DCT: variants seen among roughly 807,000 people sequenced by gnomAD.
DCT encodes L-dopachrome tautomerase.
DCT carries 47 observed loss-of-function variants against 53.0 expected under a neutral mutation model. The ratio of observed to expected loss-of-function variants is 0.89; its 90% CI spans 0.70 to 1.13. The LOEUF (loss-of-function observed/expected upper bound fraction) is 1.13, where lower values mean the gene tolerates loss of function less well. DCT is among the 50% of genes most tolerant of loss of function. DCT has a pLI of 0.00. For synonymous variants in DCT, 244 were observed against 237.0 expected (o/e 1.03, Z -0.27); for missense variants, 669 against 637.4 (o/e 1.05, Z -0.53).
chr13:94,509,626 C>T, the DCT span, among the ~76,000 whole-genome samples: 1 of 152,148 alleles, frequency 6.6e-6, no homozygotes, highest in African/African-American at 2.4e-5. Flanking sequence ...GGAGTGTTAT[C>T]TCAGCATAAC....
chr13:94,501,856 A>C, the DCT span, among the ~76,000 whole-genome samples: 50 of 152,334 alleles, frequency 3.3e-4, no homozygotes, highest in Non-Finnish European at 6.2e-4. Flanking sequence ...AGACCATGTC[A>C]GGAAAGTCCT....
At chr13:94,513,287 G>T in the DCT span, among the ~76,000 whole-genome samples, 2 of 152,192 alleles carry the variant, frequency 1.3e-5, no homozygotes, top group African/African-American at 4.8e-5. Context: ...CCAGTCTACA[G>T]TTGGTTAGCA....
chr13:94,531,018 C>G, the DCT span, among the ~76,000 whole-genome samples: 1 of 152,128 alleles, frequency 6.6e-6, no homozygotes, highest in African/African-American at 2.4e-5. Flanking sequence ...AGAGTCAAAT[C>G]ATAAGTGAAC....
At chr13:94,499,050 G>A in the DCT span, among the ~76,000 whole-genome samples, 1 of 152,192 alleles carries the variant, frequency 6.6e-6, no homozygotes, top group Non-Finnish European at 1.5e-5. Context: ...CCAGCCAGCA[G>A]TGGCACCCCA....
intron 1 of DCT, among the ~76,000 whole-genome samples, chr13:94,470,376 C>G (rs1245408114): frequency 6.6e-6 from 1 of 152,206 alleles, no homozygotes; most frequent in African/African-American, 2.4e-5. Context: ...AGATCAAGCT[C>G]TGGGCATCTC....
the DCT span, among the ~76,000 whole-genome samples, chr13:94,539,650 T>A: frequency 6.6e-6 from 1 of 152,228 alleles, no homozygotes; most frequent in Non-Finnish European, 1.5e-5. Flanking sequence ...ACTATTCAAA[T>A]AGAGATATAA....
the DCT span, among the ~76,000 whole-genome samples, chr13:94,500,238 TG>T: frequency 2.0e-5 from 3 of 152,288 alleles, no homozygotes; most frequent in Middle Eastern, 3.4e-3. Flanking sequence ...TAGCCGAGAC[TG>T]GGTAATTTAT....
the DCT span, among the ~76,000 whole-genome samples, chr13:94,533,524 C>T: frequency 6.6e-6 from 1 of 152,158 alleles, no homozygotes; most frequent in Non-Finnish European, 1.5e-5. Flanking sequence ...GTGGCTCACA[C>T]CTATAATCCC....
At chr13:94,479,854 T>C (rs1228344333), upstream of DCT, among the ~76,000 whole-genome samples, 2 of 152,186 alleles carry the variant, frequency 1.3e-5, no homozygotes, top group African/African-American at 4.8e-5. Context: ...CTTCTGGCTT[T>C]ATTTCAGGAG....
intron 6 of DCT, among the ~76,000 whole-genome samples, chr13:94,453,087 T>C (rs1021640202): frequency 6.6e-6 from 1 of 152,164 alleles, no homozygotes; most frequent in Non-Finnish European, 1.5e-5. Context: ...GATAATGGGA[T>C]ATTATACATA....
chr13:94,539,671 T>A, the DCT span, among the ~76,000 whole-genome samples: 1 of 152,224 alleles, frequency 6.6e-6, no homozygotes, highest in African/African-American at 2.4e-5. Context: ...TTTATGGATT[T>A]AAAATTAAAT....
intron 6 of DCT, among the ~76,000 whole-genome samples, chr13:94,449,593 T>C (rs1882952264): frequency 6.6e-6 from 1 of 152,164 alleles, no homozygotes; most frequent in African/African-American, 2.4e-5. Flanking sequence ...ACATGACAGA[T>C]AAAAGCACAC....
chr13:94,506,227 T>C, the DCT span, among the ~76,000 whole-genome samples: 2 of 152,232 alleles, frequency 1.3e-5, no homozygotes, highest in African/African-American at 4.8e-5. Flanking sequence ...TAAAACTCCA[T>C]CTGGTCATCT....
chr13:94,495,776 G>A, the DCT span, among the ~76,000 whole-genome samples: 15 of 152,176 alleles, frequency 9.9e-5, no homozygotes, highest in Non-Finnish European at 1.6e-4. Context: ...TGGTTCAACT[G>A]TATAAGCTTT....
chr13:94,479,287 C>T lies in DCT; in HGVS notation c.-32G>A. The stretch of plus-strand genomic sequence containing the variant: ...ATAATTGGGAGAGCTCTCTCTCTCT[C>T]TTACTTTCCTTGTCTCTGTCGTACT... On this transcript the variant is annotated 5_prime_UTR_variant, in exon 1 of 8. Coordinates refer to ENST00000377028, the MANE Select transcript of DCT (RefSeq NM_001922.5). The T allele has an allele frequency of 2.0e-6, 3 of 1,490,556 alleles. 1 individual carries two copies. Among genetic ancestry groups the T allele is most frequent in the Non-Finnish European group, 9.0e-7 (1 of 1,107,744 alleles). 92.3% of individuals were successfully genotyped at this position (1,490,556 alleles called of 1,614,324 possible).
chr13:94,545,734 T>G, the DCT span, among the ~76,000 whole-genome samples: 1 of 152,076 alleles, frequency 6.6e-6, no homozygotes, highest in Admixed American at 6.5e-5. Context: ...AGCCTTTGCT[T>G]TCTCACATGG....
chr13:94,447,249 T>C (rs969249700), intron 6 of DCT, among the ~76,000 whole-genome samples: 2 of 152,136 alleles, frequency 1.3e-5, no homozygotes, highest in Non-Finnish European at 2.9e-5. Context: ...GGAAGACAAT[T>C]TTCACGGACC....
At chr13:94,486,601 G>A in the DCT span, among the ~76,000 whole-genome samples, 1 of 152,094 alleles carries the variant, frequency 6.6e-6, no homozygotes, top group Non-Finnish European at 1.5e-5. Context: ...GTCATTTTAT[G>A]GGGATCCAGG....
At chr13:94,511,036 T>C in the DCT span, among the ~76,000 whole-genome samples, 2 of 152,252 alleles carry the variant, frequency 1.3e-5, no homozygotes, top group Non-Finnish European at 2.9e-5. Context: ...TTCCATCTAA[T>C]TTATTGTAGA....
Sources: allele counts gnomAD v4.1 joint callset (sites outside exome capture counted in the v4.1 genomes callset), GRCh38; gene constraint gnomAD v4.1.1; transcripts MANE v1.5; gene names NCBI Gene and HGNC (gene_info 2026-07-23, HGNC 2026-07-21).